BACH2: variants seen among roughly 807,000 people sequenced by gnomAD.
BACH2 encodes the protein BACH transcriptional regulator 2, also known as transcription regulator protein BACH2.
Under a neutral mutation model 61.8 loss-of-function variants are expected in BACH2, and 5 were observed. That is an observed-to-expected ratio of 0.08 (90% CI 0.04 to 0.17). The LOEUF is 0.17. Ranked by LOEUF, BACH2 falls within the 10% of genes least tolerant of loss-of-function variation. The probability of loss-of-function intolerance (pLI) is 1.00; values close to 1 mark genes in which losing one functional copy is unlikely to be tolerated. For synonymous variants in BACH2, 446 were observed against 440.1 expected (o/e 1.01, Z -0.17); for missense variants, 824 against 1,091.1 (o/e 0.76, Z 3.45).
At chr6:90,130,636 C>T (rs949470484) in intron 4 of BACH2, among the ~76,000 whole-genome samples, 1 of 152,188 alleles carries the variant, frequency 6.6e-6, no homozygotes, top group African/African-American at 2.4e-5. Flanking sequence ...CTTCTATCTA[C>T]CTCCAGTGGT....
At chr6:90,258,766 A>G (rs1027999478) in intron 2 of BACH2, among the ~76,000 whole-genome samples, 2 of 152,076 alleles carry the variant, frequency 1.3e-5, no homozygotes, top group Non-Finnish European at 2.9e-5. Context: ...CAGTGTACAC[A>G]TCTTTCACAT....
At chr6:89,949,968 G>A (rs1401735385) in intron 7 of BACH2, 1 of 436,278 alleles carries the variant, frequency 2.3e-6, no homozygotes, top group Non-Finnish European at 4.3e-6. Flanking sequence ...AGAAAGAGGG[G>A]GGTCTGGAGT....
intron 8 of BACH2, among the ~76,000 whole-genome samples, chr6:89,936,123 T>C (rs1455090990): frequency 6.6e-6 from 1 of 152,186 alleles, no homozygotes; most frequent in Non-Finnish European, 1.5e-5. Context: ...TCAGAGATGA[T>C]CAAGTCACTG....
intron 5 of BACH2, among the ~76,000 whole-genome samples, chr6:90,028,938 T>C (rs937141458): frequency 6.6e-6 from 1 of 150,664 alleles, no homozygotes; most frequent in African/African-American, 2.5e-5. Context: ...ATTTTACGTG[T>C]TTGTTTGTTC....
intron 4 of BACH2, among the ~76,000 whole-genome samples, chr6:90,148,229 G>C (rs1409076710): frequency 6.6e-6 from 1 of 152,124 alleles, no homozygotes; most frequent in Non-Finnish European, 1.5e-5. Context: ...CCCAAGTGAG[G>C]AAAAATGTTA....
Position 89,935,685 on chromosome 6 carries a change from C to T in BACH2, c.2043+2459G>A, listed in dbSNP as rs747565914. On this transcript the variant is annotated intron_variant, in intron 8 of 8. Transcript: ENST00000257749. ...TTTTGGTTGAAAAATGCTAGCAAAG[C>T]GCTTTAGATATCTGCCTGGTCTGTG... Among the ~76,000 whole-genome samples the T allele has an allele frequency of 1.1e-4, 16 of 152,308 alleles. 1 individual carries two copies. Among genetic ancestry groups the T allele is most frequent in the South Asian group, 1.0e-3 (5 of 4,824 alleles).
At chr6:90,227,520 C>T (rs1016626119) in intron 3 of BACH2, among the ~76,000 whole-genome samples, 6 of 152,246 alleles carry the variant, frequency 3.9e-5, no homozygotes, top group Admixed American at 1.3e-4. Context: ...ACAACAGTGA[C>T]AGCCCCCTGC....
At chr6:90,273,316 C>T (rs1771589161) in intron 1 of BACH2, among the ~76,000 whole-genome samples, 1 of 152,106 alleles carries the variant, frequency 6.6e-6, no homozygotes, top group South Asian at 2.1e-4. Context: ...TACGATCATA[C>T]CACTGCACTC....
intron 1 of BACH2, among the ~76,000 whole-genome samples, chr6:90,287,869 C>A (rs1772068620): frequency 6.6e-6 from 1 of 152,124 alleles, no homozygotes; most frequent in Non-Finnish European, 1.5e-5. Context: ...AAACTGTGTT[C>A]ATAAAATCTT....
At chr6:90,059,712 C>G in intron 5 of BACH2, among the ~76,000 whole-genome samples, 1 of 152,062 alleles carries the variant, frequency 6.6e-6, no homozygotes, top group East Asian at 1.9e-4. Context: ...ATAGCAAAGA[C>G]TTGGTACCAA....
At chr6:90,123,542 G>A (rs531515212) in intron 4 of BACH2, among the ~76,000 whole-genome samples, 12 of 151,556 alleles carry the variant, frequency 7.9e-5, no homozygotes, top group South Asian at 6.3e-4. Context: ...AGGCCGAGGC[G>A]GGCGGATCAC....
At chr6:90,227,979 T>C (rs950695095) in intron 3 of BACH2, among the ~76,000 whole-genome samples, 3 of 152,202 alleles carry the variant, frequency 2.0e-5, no homozygotes, top group Admixed American at 6.5e-5. Flanking sequence ...TCCCCAGCCT[T>C]TATCAAGAAT....
In BACH2 at chr6:90,008,525, C is replaced by T; in HGVS notation, c.243+77G>A. 6.3e-7 allele frequency: 1 copy of T among 1,575,572 alleles called. No homozygotes were observed. The highest frequency in any genetic ancestry group is 8.6e-7 in the Non-Finnish European group (1 of 1,158,006). Reference sequence around the variant, plus strand: ...AGTGGGGACATGGCACCTAGTACATCTTCTAGCTCCTAGTCAGCCAGTTTT... The same window carrying T: ...AGTGGGGACATGGCACCTAGTACATTTTCTAGCTCCTAGTCAGCCAGTTTT... On this transcript the variant is annotated intron_variant, in intron 6 of 8. Transcript: ENST00000257749. This position sits in a 1 kb window ranked among gnomAD's most constrained non-coding sequence, Gnocchi z 4.1.
intron 6 of BACH2, among the ~76,000 whole-genome samples, chr6:89,978,922 C>G (rs1347990451): frequency 6.6e-6 from 1 of 152,140 alleles, no homozygotes. Flanking sequence ...GAGCAACTAC[C>G]CTTTGTTCTC....
chr6:90,160,988 T>C (rs1785170380), intron 4 of BACH2, among the ~76,000 whole-genome samples: 1 of 149,368 alleles, frequency 6.7e-6, no homozygotes. Context: ...CTCTGGAGGC[T>C]GAGGCAGAGG....
intron 6 of BACH2, among the ~76,000 whole-genome samples, chr6:90,000,597 G>A (rs1405283355): frequency 1.3e-5 from 2 of 152,088 alleles, no homozygotes; most frequent in African/African-American, 2.4e-5. Context: ...TCTGAACAGC[G>A]GCCCTGCAAG....
Position 89,930,525 on chromosome 6 carries a change from G to A in BACH2, c.*1883C>T, listed in dbSNP as rs1055683. ...CCGTTCAGGACTCTCTTCCCCAGCC[G>A]GGCTGGAGTGGCCCTCGGGCTGCTC... On this transcript the variant is annotated 3_prime_UTR_variant, in exon 9 of 9. Coordinates refer to ENST00000257749, the MANE Select transcript of BACH2 (RefSeq NM_021813.4). 20,558 of 152,574 alleles carry A rather than the reference G, an allele frequency of 0.13. 1,990 individuals carry two copies. The highest frequency in any genetic ancestry group is 0.41 in the East Asian group (2,170 of 5,272). 9.5% of individuals were successfully genotyped at this position (152,574 alleles called of 1,614,324 possible). A position where few individuals can be genotyped will look rare whatever the true frequency, so the allele number is the denominator to read the frequency against.
intron 4 of BACH2, among the ~76,000 whole-genome samples, chr6:90,188,937 T>C (rs1030689520): frequency 4.4e-4 from 67 of 152,164 alleles, no homozygotes; most frequent in African/African-American, 1.4e-3. Flanking sequence ...GAATTATACA[T>C]AGCAACTTTG....
At chr6:90,085,481 C>T (rs887204844) in intron 5 of BACH2, among the ~76,000 whole-genome samples, 3 of 152,162 alleles carry the variant, frequency 2.0e-5, no homozygotes, top group African/African-American at 7.2e-5. Context: ...GCATGGGTGG[C>T]TCACGCTTTC....
Sources: gnomAD v4.1 joint callset for allele counts (sites outside exome capture counted in the v4.1 genomes callset) on GRCh38, gnomAD v4.1.1 for gene constraint, Gnocchi (gnomAD v3.1) non-coding constraint, MANE v1.5 for transcripts, NCBI Gene and HGNC (gene_info 2026-07-23, HGNC 2026-07-21) for gene names.